The following CUX1 variants were observed in gnomAD, a reference collection of about 807,000 sequenced individuals.
CUX1 encodes protein CASP.
In CUX1, 31 loss-of-function variants were observed where a neutral mutation model predicts 158.8. The observed-to-expected ratio is 0.20, with a 90% CI of 0.15 to 0.26. CUX1 has a LOEUF of 0.26. Among genes scored for constraint, CUX1 ranks in the 10% least tolerant of loss-of-function variants. The pLI, the probability that CUX1 is intolerant of heterozygous loss-of-function variation, is 1.00. For missense variants in CUX1, 1,589 were observed against 2,014.6 expected, an observed-to-expected ratio of 0.79 and a Z score of 4.04; for synonymous variants, 879 against 862.1, an observed-to-expected ratio of 1.02 and a Z score of -0.34.
At chr7:102,176,463 A>G (rs529429199) in intron 10 of CUX1, among the ~76,000 whole-genome samples, 33 of 151,740 alleles carry the variant, frequency 2.2e-4, no homozygotes, top group African/African-American at 6.5e-4. Context: ...GACACCATGC[A>G]GCTCTGCCCT....
At chr7:101,856,568 C>T (rs572757641) in intron 1 of CUX1, among the ~76,000 whole-genome samples, 21 of 152,290 alleles carry the variant, frequency 1.4e-4, no homozygotes, top group African/African-American at 4.6e-4. Flanking sequence ...GACAAAGCCA[C>T]GCAATCTGTT....
intron 1 of CUX1, among the ~76,000 whole-genome samples, chr7:101,893,424 G>A (rs548119759): frequency 1.3e-5 from 2 of 152,242 alleles, no homozygotes; most frequent in African/African-American, 4.8e-5. Flanking sequence ...TTGCCTTGTA[G>A]ACGGAAAGTT....
intron 1 of CUX1, among the ~76,000 whole-genome samples, chr7:101,855,706 C>T (rs1229742621): frequency 6.6e-6 from 1 of 151,596 alleles, no homozygotes; most frequent in African/African-American, 2.4e-5. Context: ...GGTGAAACCC[C>T]GTCTCTACTA....
At chr7:102,206,473 T>C (rs745932135) in intron 20 of CUX1, among the ~76,000 whole-genome samples, 3 of 152,202 alleles carry the variant, frequency 2.0e-5, no homozygotes, top group Non-Finnish European at 4.4e-5. Flanking sequence ...TTTACGGACG[T>C]CTGCTTGGAA....
At chr7:102,060,945 C>G (rs1234413654) in intron 3 of CUX1, among the ~76,000 whole-genome samples, 2 of 123,380 alleles carry the variant, frequency 1.6e-5, no homozygotes, top group Non-Finnish European at 3.2e-5. Context: ...GAGACAGACT[C>G]TCACTGTGTC....
chr7:102,194,016 C>G, intron 13 of CUX1, 126 bp downstream of exon 13: 1 of 899,792 alleles, frequency 1.1e-6, no homozygotes, highest in African/African-American at 1.7e-5. Context: ...ATGAGTCATA[C>G]TTCAAGAACA....
chr7:101,987,579 CG>C (rs1400992644), intron 2 of CUX1, among the ~76,000 whole-genome samples: 1 of 152,214 alleles, frequency 6.6e-6, no homozygotes, highest in East Asian at 1.9e-4. Context: ...GGGATACCCC[CG>C]GGGTCCCTTA....
At chr7:101,964,180 C>T (rs1362995731) in intron 2 of CUX1, among the ~76,000 whole-genome samples, 1 of 151,952 alleles carries the variant, frequency 6.6e-6, no homozygotes, top group East Asian at 2.0e-4. Context: ...GGTGAAACCA[C>T]GTCTCTACTA....
intron 1 of CUX1, among the ~76,000 whole-genome samples, chr7:101,844,972 CCTA>C (rs1405247089): frequency 6.6e-6 from 1 of 152,160 alleles, no homozygotes; most frequent in Non-Finnish European, 1.5e-5. Context: ...CTTCCACCTA[CCTA>C]TCTTATTTGG....
chr7:102,177,564 T>C (rs1447507072), intron 10 of CUX1, among the ~76,000 whole-genome samples: 3 of 146,810 alleles, frequency 2.0e-5, no homozygotes, highest in Admixed American at 1.4e-4. Context: ...TTTGGGAGCA[T>C]TGGAGGGAGG....
intron 2 of CUX1, among the ~76,000 whole-genome samples, chr7:101,933,705 T>C (rs1806559827): frequency 6.6e-6 from 1 of 152,238 alleles, no homozygotes; most frequent in Non-Finnish European, 1.5e-5. Context: ...AAAGTGAAGA[T>C]GAATACATTC....
At chr7:101,867,019 G>A (rs1462768742) in intron 1 of CUX1, among the ~76,000 whole-genome samples, 3 of 152,206 alleles carry the variant, frequency 2.0e-5, no homozygotes, top group Admixed American at 6.5e-5. Context: ...TCAGGAGTTC[G>A]AGACCAGCCT....
intron 9 of CUX1, among the ~76,000 whole-genome samples, chr7:102,165,733 G>C (rs1330608038): frequency 6.6e-6 from 1 of 152,148 alleles, no homozygotes. Context: ...GGGTTGGGGG[G>C]CCCGTGGAAC....
At chr7:101,987,583 G>A (rs1047060735) in intron 2 of CUX1, among the ~76,000 whole-genome samples, 6 of 152,218 alleles carry the variant, frequency 3.9e-5, no homozygotes, top group African/African-American at 1.4e-4. Flanking sequence ...TACCCCCGGG[G>A]TCCCTTATAA....
intron 5 of CUX1, 111 bp from the exon 6 acceptor site, chr7:102,104,225 A>T: frequency 5.9e-6 from 6 of 1,020,832 alleles, no homozygotes; most frequent in Non-Finnish European, 8.5e-6. Context: ...AGAGTTGAAG[A>T]GCTAAGGTTT....
chr7:102,212,415 G>A (rs2132154216), intron 20 of CUX1, among the ~76,000 whole-genome samples: 1 of 152,288 alleles, frequency 6.6e-6, no homozygotes, highest in Non-Finnish European at 1.5e-5. Flanking sequence ...TGCTTTGCCA[G>A]AACTCGGCCC....
intron 3 of CUX1, among the ~76,000 whole-genome samples, chr7:102,030,691 G>GGTTTTTTTTTTTTGTTTTTTGTT (rs537970250): frequency 8.4e-6 from 1 of 119,386 alleles, no homozygotes; most frequent in African/African-American, 3.1e-5. Flanking sequence ...TTTAAAAAGT[G>GGTTTTTTTTTTTTGTTTTTTGTT]TTTTTTTTTT....
chr7:101,989,136 C>G (rs914402227), intron 2 of CUX1, among the ~76,000 whole-genome samples: 1 of 152,100 alleles, frequency 6.6e-6, no homozygotes, highest in Non-Finnish European at 1.5e-5. Flanking sequence ...CATGAACCTT[C>G]CCAGCCCTCA....
chr7:102,081,681 G>A (rs956935522), intron 4 of CUX1, among the ~76,000 whole-genome samples: 2 of 146,368 alleles, frequency 1.4e-5, no homozygotes, highest in Non-Finnish European at 3.1e-5. Flanking sequence ...CGCCCAAGCT[G>A]GAGTGCAGTG....
Sources: allele counts gnomAD v4.1 joint callset (sites outside exome capture counted in the v4.1 genomes callset), GRCh38; gene constraint gnomAD v4.1.1; transcripts MANE v1.5; gene names NCBI Gene and HGNC (gene_info 2026-07-23, HGNC 2026-07-21).